GRM1: variants seen among roughly 807,000 people sequenced by gnomAD.
GRM1 encodes metabotropic glutamate receptor 1.
In GRM1, 33 loss-of-function variants were observed where a neutral mutation model predicts 90.9. That is an observed-to-expected ratio of 0.36 (90% CI 0.28 to 0.49). GRM1 has a LOEUF of 0.49. Among genes scored for constraint, GRM1 ranks in the 20% least tolerant of loss-of-function variants. The pLI is 0.99. For missense variants in GRM1, 1,190 were observed against 1,534.3 expected (o/e 0.78, Z 3.75); for synonymous variants, 700 against 613.2 (o/e 1.14, Z -2.09).
At position 146,159,533 on chromosome 6, in the gene GRM1, G is replaced by A; in HGVS notation, c.886G>A (p.Val296Met). The A allele has an allele frequency of 6.2e-7, 1 of 1,614,160 alleles. No individual in the cohort carries two copies. Among genetic ancestry groups the A allele is most frequent in the Non-Finnish European group, 8.5e-7 (1 of 1,180,014 alleles). The stretch of plus-strand genomic sequence containing the variant: ...GGTCTGCTTCTGTGAAGGCATGACA[G>A]TGCGAGGACTCCTGAGCGCCATGCG... ...VVVCFCEGMT[V>M]RGLLSAMRRL... is the part of the protein sequence containing the mutation. The change falls in exon 2 of 8, where the codon GTG becomes ATG. Residue 296 changes from valine to methionine, a missense_variant. Around this residue, in one of 10 missense-constraint regions of GRM1, gnomAD observed 414 missense variants for 598.4 expected, o/e 0.69. Transcript: ENST00000282753.
chr6:146,333,592 G>A (rs945593456), intron 3 of GRM1, among the ~76,000 whole-genome samples: 8 of 152,098 alleles, frequency 5.3e-5, no homozygotes, highest in Admixed American at 2.6e-4. Context: ...CCTGATATAC[G>A]GTTTGGAGAA....
intron 3 of GRM1, among the ~76,000 whole-genome samples, chr6:146,320,962 G>A (rs921435454): frequency 4.0e-5 from 6 of 150,924 alleles, no homozygotes; most frequent in Admixed American, 6.6e-5. Flanking sequence ...TTTTCATGTC[G>A]CTATCTCCTT....
At chr6:146,309,021 T>G (rs1783685584) in intron 3 of GRM1, among the ~76,000 whole-genome samples, 1 of 152,194 alleles carries the variant, frequency 6.6e-6, no homozygotes, top group South Asian at 2.1e-4. Context: ...AAATTTTCAT[T>G]CTAAACTTTC....
In GRM1 at chr6:146,402,768, A is replaced by G. The variant is rs1340593506; in HGVS notation, c.2660+3069A>G. 2.0e-5 allele frequency among the ~76,000 whole-genome samples: 3 copies of G among 152,182 alleles called. No homozygotes were observed. The East Asian group carries it at 5.8e-4, about 29-fold the overall frequency. ...GCTGTTTCTGAGATACGTGGTTGGA[A>G]TGATGTTGCGTTGTCTGTTTTTAGC... On this transcript the variant is annotated intron_variant, in intron 7 of 7. Coordinates refer to ENST00000282753, the MANE Select transcript of GRM1 (RefSeq NM_001278064.2).
intron 5 of GRM1, among the ~76,000 whole-genome samples, chr6:146,379,925 AGTCT>A (rs1012798428): frequency 1.2e-4 from 15 of 129,114 alleles, no homozygotes; most frequent in Admixed American, 3.1e-4. Context: ...AAACATACAG[AGTCT>A]GTCTCTCTCT....
At chr6:146,432,612 G>A (rs1778456044) in intron 7 of GRM1, among the ~76,000 whole-genome samples, 1 of 152,064 alleles carries the variant, frequency 6.6e-6, no homozygotes, top group Admixed American at 6.5e-5. Flanking sequence ...TGTCATAAAT[G>A]TGTTACTATT....
At chr6:146,284,535 A>G (rs1782689591) in intron 2 of GRM1, among the ~76,000 whole-genome samples, 1 of 152,146 alleles carries the variant, frequency 6.6e-6, no homozygotes, top group South Asian at 2.1e-4. Flanking sequence ...CCCCACCCAA[A>G]TCTCGCCTGG....
At chr6:146,240,391 G>A (rs1409236305) in intron 2 of GRM1, among the ~76,000 whole-genome samples, 1 of 151,924 alleles carries the variant, frequency 6.6e-6, no homozygotes, top group Non-Finnish European at 1.5e-5. Context: ...TGTGAGGCAA[G>A]GCAGGGTTAC....
chr6:146,226,734 T>G (rs1027035705), intron 2 of GRM1, among the ~76,000 whole-genome samples: 1 of 152,188 alleles, frequency 6.6e-6, no homozygotes, highest in Non-Finnish European at 1.5e-5. Context: ...ATGCTGTTTC[T>G]TCTACAGTCA....
At chr6:146,184,116 G>T (rs1286520887) in intron 2 of GRM1, among the ~76,000 whole-genome samples, 1 of 152,052 alleles carries the variant, frequency 6.6e-6, no homozygotes. Flanking sequence ...CTTGCCAGAT[G>T]ATAAAAAAAG....
intron 7 of GRM1, among the ~76,000 whole-genome samples, chr6:146,411,718 T>C (rs1003576850): frequency 6.6e-6 from 1 of 152,094 alleles, no homozygotes; most frequent in Non-Finnish European, 1.5e-5. Flanking sequence ...AGAGAAATAC[T>C]TAAGTAAGAA....
At chr6:146,034,079 C>T (rs977090434) in intron 1 of GRM1, among the ~76,000 whole-genome samples, 7 of 152,046 alleles carry the variant, frequency 4.6e-5, no homozygotes, top group African/African-American at 1.2e-4. Context: ...CATCACATTA[C>T]GTGCTTGCCC....
intron 2 of GRM1, among the ~76,000 whole-genome samples, chr6:146,279,760 A>G (rs183299004): frequency 8.1e-4 from 123 of 152,296 alleles, no homozygotes; most frequent in African/African-American, 2.9e-3. Flanking sequence ...GCCATCATTT[A>G]AAAATAATAT....
At chr6:146,138,584 T>G (rs749859105) in intron 1 of GRM1, among the ~76,000 whole-genome samples, 1 of 152,152 alleles carries the variant, frequency 6.6e-6, no homozygotes, top group Non-Finnish European at 1.5e-5. Context: ...GGTTTGGGAT[T>G]TCTTCCTGGT....
chr6:146,046,250 A>G (rs751809004), intron 1 of GRM1, among the ~76,000 whole-genome samples: 35 of 152,000 alleles, frequency 2.3e-4, no homozygotes, highest in Non-Finnish European at 4.0e-4. Flanking sequence ...CATTTTTATT[A>G]TTAATAATTC....
intron 1 of GRM1, among the ~76,000 whole-genome samples, chr6:146,149,933 C>T (rs1333970087): frequency 6.6e-6 from 1 of 152,060 alleles, no homozygotes; most frequent in Non-Finnish European, 1.5e-5. Flanking sequence ...TATAAATTTC[C>T]TTATATGCCA....
At chr6:146,329,688 T>C (rs1403904517) in intron 3 of GRM1, among the ~76,000 whole-genome samples, 1 of 152,204 alleles carries the variant, frequency 6.6e-6, no homozygotes, top group Admixed American at 6.5e-5. Context: ...GAAAGTACTA[T>C]AAATCAAAAA....
At chr6:146,297,503 C>T (rs532532123) in intron 2 of GRM1, among the ~76,000 whole-genome samples, 1 of 152,126 alleles carries the variant, frequency 6.6e-6, no homozygotes, top group African/African-American at 2.4e-5. Flanking sequence ...ACTTTTAATG[C>T]AAAACGTCAG....
chr6:146,094,276 T>C (rs1776806106), intron 1 of GRM1, among the ~76,000 whole-genome samples: 1 of 152,058 alleles, frequency 6.6e-6, no homozygotes, highest in Non-Finnish European at 1.5e-5. Context: ...GAATGGTAAA[T>C]CTGTGGTGAC....
Sources: gnomAD v4.1 joint callset for allele counts (sites outside exome capture counted in the v4.1 genomes callset) on GRCh38, gnomAD v4.1.1 for gene constraint, gnomAD v4.1.1 regional missense constraint, MANE v1.5 for transcripts, NCBI Gene and HGNC (gene_info 2026-07-23, HGNC 2026-07-21) for gene names.